Variants in SNTG1 observed in about 807,000 individuals in gnomAD.
The protein encoded by SNTG1 is gamma-1-syntrophin.
SNTG1 carries 39 observed loss-of-function variants against 74.7 expected under a neutral mutation model. The ratio of observed to expected loss-of-function variants is 0.52; its 90% confidence interval spans 0.40 to 0.68. The LOEUF (loss-of-function observed/expected upper bound fraction) is 0.68. SNTG1 is among the 30% of genes least tolerant of loss of function. The pLI is 0.00. For missense variants in SNTG1, 685 were observed against 609.5 expected, an observed-to-expected ratio of 1.12 and a Z score of -1.30; for synonymous variants, 254 against 217.1, an observed-to-expected ratio of 1.17 and a Z score of -1.49.
intron 12 of SNTG1, among the ~76,000 whole-genome samples, chr8:50,567,204 C>A (rs1192796785): frequency 2.6e-5 from 4 of 152,038 alleles, no homozygotes; most frequent in Non-Finnish European, 5.9e-5. Flanking sequence ...CTGCAGTTTC[C>A]TCCTCTGTAA....
intron 1 of SNTG1, among the ~76,000 whole-genome samples, chr8:49,928,192 A>G (rs1461860912): frequency 2.8e-5 from 4 of 145,176 alleles, no homozygotes; most frequent in Non-Finnish European, 6.0e-5. Flanking sequence ...AAAATAAAAA[A>G]GATGGACTTT....
At chr8:50,430,976 G>A (rs1481467) in intron 4 of SNTG1, among the ~76,000 whole-genome samples, 93,227 of 151,932 alleles carry the variant, frequency 0.61, 32,718 homozygotes, top group East Asian at 0.83. Flanking sequence ...AGTTCCTTTA[G>A]CCTTTCATCT....
At chr8:49,994,482 C>T (rs936069410) in intron 1 of SNTG1, among the ~76,000 whole-genome samples, 39 of 147,328 alleles carry the variant, frequency 2.6e-4, no homozygotes, top group African/African-American at 7.2e-4. Flanking sequence ...CCAGGCTGGT[C>T]TCAAACTCTT....
At chr8:50,143,616 C>T (rs2081751743) in intron 1 of SNTG1, among the ~76,000 whole-genome samples, 1 of 152,146 alleles carries the variant, frequency 6.6e-6, no homozygotes, top group Non-Finnish European at 1.5e-5. Context: ...AACATTTGCT[C>T]AGATGCAAGT....
chr8:50,152,784 T>C (rs1413261873), intron 1 of SNTG1, among the ~76,000 whole-genome samples: 2 of 152,244 alleles, frequency 1.3e-5, no homozygotes, highest in African/African-American at 4.8e-5. Context: ...GCTGTTAGTC[T>C]GATGGGTTTC....
intron 1 of SNTG1, among the ~76,000 whole-genome samples, chr8:49,923,039 G>A (rs958894970): frequency 2.6e-5 from 4 of 152,080 alleles, no homozygotes; most frequent in African/African-American, 9.7e-5. Context: ...TGAAAGAATT[G>A]TTTAAGGCCC....
intron 12 of SNTG1, among the ~76,000 whole-genome samples, chr8:50,573,923 T>C (rs1181989587): frequency 6.6e-6 from 1 of 151,908 alleles, no homozygotes; most frequent in Admixed American, 6.6e-5. Flanking sequence ...GGAAAAAAAA[T>C]AACGTGATAG....
chr8:50,401,967 C>T (rs1239548062), intron 3 of SNTG1, among the ~76,000 whole-genome samples: 2 of 152,068 alleles, frequency 1.3e-5, no homozygotes, highest in African/African-American at 2.4e-5. Flanking sequence ...AATCCTTACT[C>T]CCCACTTCTT....
At chr8:50,398,136 T>G (rs1420622678) in intron 3 of SNTG1, among the ~76,000 whole-genome samples, 1 of 152,214 alleles carries the variant, frequency 6.6e-6, no homozygotes, top group Non-Finnish European at 1.5e-5. Flanking sequence ...CCCTGCTCAG[T>G]GCCTGTTTCT....
intron 4 of SNTG1, among the ~76,000 whole-genome samples, chr8:50,430,230 A>G (rs2093217782): frequency 6.6e-6 from 1 of 152,188 alleles, no homozygotes; most frequent in African/African-American, 2.4e-5. Flanking sequence ...GGTTAATTTC[A>G]TGGCATATGA....
intron 2 of SNTG1, among the ~76,000 whole-genome samples, chr8:50,366,917 G>T (rs913961158): frequency 2.1e-5 from 3 of 146,282 alleles, no homozygotes; most frequent in African/African-American, 5.0e-5. Flanking sequence ...ATATAGTATA[G>T]GTCTATACTA....
chr8:50,792,607 C>A (rs554963803), intron 18 of SNTG1, 64 bp from the exon 19 acceptor site: 1 of 1,449,098 alleles, frequency 6.9e-7, no homozygotes, highest in Non-Finnish European at 9.3e-7. Context: ...AAAAATCTAG[C>A]TATTATAAAT....
At chr8:50,021,358 T>G (rs1289235229) in intron 1 of SNTG1, among the ~76,000 whole-genome samples, 1 of 152,208 alleles carries the variant, frequency 6.6e-6, no homozygotes, top group Non-Finnish European at 1.5e-5. Flanking sequence ...TGGTACAGAT[T>G]CTAGTTTATC....
At chr8:49,971,921 A>G (rs571847775) in intron 1 of SNTG1, among the ~76,000 whole-genome samples, 177 of 152,310 alleles carry the variant, frequency 1.2e-3, no homozygotes, top group Admixed American at 2.1e-3. Context: ...AATCAATATC[A>G]TGAAAATGGC....
In SNTG1 at chr8:50,003,105, C is replaced by A. The variant is rs1431605436; in HGVS notation, c.-103+90874C>A. Among the ~76,000 whole-genome samples the A allele has an allele frequency of 2.6e-5, 4 of 152,196 alleles. No homozygotes were observed. In the East Asian group the frequency reaches 7.7e-4, roughly 29 times the overall value. On this transcript the variant is annotated intron_variant, in intron 1 of 18. Coordinates refer to ENST00000642720, the MANE Select transcript of SNTG1 (RefSeq NM_018967.5). ...TGTGAGGAGCTTAAGAGATAATAGG[C>A]AGTCATATCTACTGGGCACAAGCAT...
chr8:50,307,470 T>C (rs2089948663), intron 2 of SNTG1, among the ~76,000 whole-genome samples: 1 of 152,138 alleles, frequency 6.6e-6, no homozygotes, highest in South Asian at 2.1e-4. Context: ...AAAAATTTCC[T>C]CTCTTCCATC....
At chr8:50,704,125 G>A (rs1261048786) in intron 15 of SNTG1, among the ~76,000 whole-genome samples, 2 of 151,024 alleles carry the variant, frequency 1.3e-5, no homozygotes, top group African/African-American at 2.4e-5. Context: ...TTTTTTTTAA[G>A]CAATATTATT....
intron 1 of SNTG1, among the ~76,000 whole-genome samples, chr8:49,949,256 C>T (rs1193022522): frequency 6.6e-6 from 1 of 152,184 alleles, no homozygotes; most frequent in Non-Finnish European, 1.5e-5. Context: ...CACACATTTA[C>T]ATGAACACAA....
At chr8:50,206,995 A>G (rs6995401) in intron 2 of SNTG1, among the ~76,000 whole-genome samples, 65,490 of 152,026 alleles carry the variant, frequency 0.43, 17,846 homozygotes, top group African/African-American at 0.78. Context: ...TTTTTGCATT[A>G]ATGTTCATCA....
Sources: allele counts gnomAD v4.1 joint callset (sites outside exome capture counted in the v4.1 genomes callset), GRCh38; gene constraint gnomAD v4.1.1; transcripts MANE v1.5; gene names NCBI Gene and HGNC (gene_info 2026-07-23, HGNC 2026-07-21).